MCM2: variants seen among roughly 807,000 people sequenced by gnomAD.
MCM2 encodes the protein DNA replication licensing factor MCM2.
In MCM2, 49 loss-of-function variants were observed where a neutral mutation model predicts 86.4. The ratio of observed to expected loss-of-function variants is 0.57; its 90% confidence interval spans 0.45 to 0.72. The LOEUF (loss-of-function observed/expected upper bound fraction) is 0.72. MCM2 is among the 30% of genes least tolerant of loss of function. MCM2 has a pLI of 0.00. For synonymous variants in MCM2, 475 were observed against 484.6 expected, an observed-to-expected ratio of 0.98 and a Z score of 0.26; for missense variants, 1,038 against 1,259.9, an observed-to-expected ratio of 0.82 and a Z score of 2.67.
intron 8 of MCM2, chr3:127,610,975 G>A: frequency 2.2e-6 from 1 of 456,562 alleles, no homozygotes; most frequent in Non-Finnish European, 4.4e-6. Flanking sequence ...CCAAGTTGTA[G>A]GGATACAATG....
chr3:127,606,640 C>T lies in MCM2; in HGVS notation c.924C>T (p.Thr308=), dbSNP rs1331350608. The change falls in exon 6 of 16, where the codon ACC becomes ACT. Residue 308 remains threonine, a synonymous_variant. Transcript: ENST00000265056. This position sits in a 1 kb window ranked among gnomAD's most constrained non-coding sequence, Gnocchi z 4.2. ...TGCATCTGAACCAGCTGATCCGCACCAGTGGGGTGGTGACCAGCTGCACTG... is the reference window on the plus strand; with the variant it reads ...TGCATCTGAACCAGCTGATCCGCACTAGTGGGGTGGTGACCAGCTGCACTG... ...RQLHLNQLIR[T]SGVVTSCTGV... is the part of the protein sequence containing the mutation. 1.9e-6 allele frequency: 3 copies of T among 1,614,142 alleles called. No individual in the cohort carries two copies. The highest frequency in any genetic ancestry group is 2.5e-6 in the Non-Finnish European group (3 of 1,180,044).
chr3:127,615,765 A>T, intron 8 of MCM2, 97 bp from the exon 9 acceptor site: 1 of 840,012 alleles, frequency 1.2e-6, no homozygotes, highest in Admixed American at 1.7e-5. Flanking sequence ...GGTGTCTTTG[A>T]GCTGGGGATG....
At chr3:127,615,048 C>T (rs1486645696) in intron 8 of MCM2, among the ~76,000 whole-genome samples, 1 of 152,202 alleles carries the variant, frequency 6.6e-6, no homozygotes, top group African/African-American at 2.4e-5. Flanking sequence ...AGGATGCAGC[C>T]TGATGGGGGT....
intron 8 of MCM2, among the ~76,000 whole-genome samples, chr3:127,614,718 G>T (rs2074421051): frequency 6.6e-6 from 1 of 152,178 alleles, no homozygotes; most frequent in Non-Finnish European, 1.5e-5. Flanking sequence ...TATCATAACA[G>T]ACAAATAGGC....
In MCM2 at chr3:127,606,370, G is replaced by T; in HGVS notation, c.893+33G>T. 6.2e-7 allele frequency: 1 copy of T among 1,604,302 alleles called. No individual in the cohort carries two copies. Among genetic ancestry groups the T allele is most frequent in the South Asian group, 1.1e-5 (1 of 90,848 alleles). On this transcript the variant is annotated intron_variant, in intron 5 of 15. Coordinates refer to ENST00000265056, the MANE Select transcript of MCM2 (RefSeq NM_004526.4). This position sits in a 1 kb window ranked among gnomAD's most constrained non-coding sequence, Gnocchi z 4.2. Reference sequence around the variant, plus strand: ...GAGGGCAGGTGAGGATGGCAGGTCCGAGCTCAGTGCTGGGTGACTCGGTCG... The same window carrying T: ...GAGGGCAGGTGAGGATGGCAGGTCCTAGCTCAGTGCTGGGTGACTCGGTCG...
At position 127,606,507 on chromosome 3, in the gene MCM2, TG is replaced by T. The variant is rs2074351468; in HGVS notation, c.894-98del. On this transcript the variant is annotated intron_variant, in intron 5 of 15. Transcript: ENST00000265056. This position sits in a 1 kb window ranked among gnomAD's most constrained non-coding sequence, Gnocchi z 4.2. Reference sequence around the variant, plus strand: ...TGTGATGGGAGGGATCTTCCCGGGCTGGGGGCTGGGCCCAATTTCCAGGACA... The same window carrying T: ...TGTGATGGGAGGGATCTTCCCGGGCTGGGGCTGGGCCCAATTTCCAGGACA... 7.1e-6 allele frequency: 9 copies of T among 1,270,046 alleles called. No homozygotes were observed. The highest frequency in any genetic ancestry group is 8.9e-6 in the Non-Finnish European group (8 of 895,678). The allele number at this position is 1,270,046 out of a possible 1,614,324, so 78.7% of individuals were successfully genotyped here. A position where few individuals can be genotyped will look rare whatever the true frequency, so the allele number is the denominator to read the frequency against.
At position 127,619,084 on chromosome 3, in the gene MCM2, AAGG is replaced by A. The variant is rs747264324; in HGVS notation, c.2081_2083del (p.Glu694del). 2 of 1,612,676 alleles carry A rather than the reference AAGG, an allele frequency of 1.2e-6. No individual in the cohort carries two copies. The highest frequency in any genetic ancestry group is 1.7e-5 in the Admixed American group (1 of 59,946). On this transcript the variant is annotated inframe_deletion, in exon 13 of 16. Transcript: ENST00000265056. Reference sequence around the variant, plus strand: ...CCACGTCAGACACCACCCCAGCAACAAGGAGGAGGAGGGGCTGGCCAATGGCAG... The same window carrying A: ...CCACGTCAGACACCACCCCAGCAACAAGGAGGAGGGGCTGGCCAATGGCAG...
chr3:127,605,828 G>T (rs2074343005), intron 4 of MCM2, among the ~76,000 whole-genome samples: 1 of 152,134 alleles, frequency 6.6e-6, no homozygotes, highest in African/African-American at 2.4e-5. Context: ...GTTTCTTCCT[G>T]GCTCTTGTAA....
rs2074481670 is a variant in MCM2, at chr3:127,621,935, C to T, written c.*162C>T. ...CTGCACCTGGCATGACTGTTTGTTTCTCCAAGCCTGCTTTGTGCTTCTCAC... is the reference window on the plus strand; with the variant it reads ...CTGCACCTGGCATGACTGTTTGTTTTTCCAAGCCTGCTTTGTGCTTCTCAC... On this transcript the variant is annotated 3_prime_UTR_variant, in exon 16 of 16. Coordinates refer to ENST00000265056, the MANE Select transcript of MCM2 (RefSeq NM_004526.4). 1.0e-5 allele frequency: 6 copies of T among 578,002 alleles called. No individual in the cohort carries two copies. Among genetic ancestry groups the T allele is most frequent in the Non-Finnish European group, 1.8e-5 (6 of 325,618 alleles). 35.8% of individuals were successfully genotyped at this position (578,002 alleles called of 1,614,324 possible). A position where few individuals can be genotyped will look rare whatever the true frequency, so the allele number is the denominator to read the frequency against.
chr3:127,620,868 C>T lies in MCM2; in HGVS notation c.2436C>T (p.Arg812=). The change falls in exon 14 of 16, where the codon CGC becomes CGT. Residue 812 remains arginine (R), a synonymous_variant. Coordinates refer to ENST00000265056, the MANE Select transcript of MCM2 (RefSeq NM_004526.4). ...FIDTQKFSVM[R]SMRKTFARYL... ...ACACACAGAAGTTCAGCGTCATGCG[C>T]AGCATGCGCAAGGTGGGTGTGCTCC... The T allele has an allele frequency of 6.2e-7, 1 of 1,606,822 alleles. No homozygotes were observed. The highest frequency in any genetic ancestry group is 8.5e-7 in the Non-Finnish European group (1 of 1,175,142).
chr3:127,599,238 A>G, intron 1 of MCM2, 80 bp from the exon 2 acceptor site: 1 of 1,126,784 alleles, frequency 8.9e-7, no homozygotes, highest in Non-Finnish European at 1.3e-6. Flanking sequence ...AAAGAAGGGA[A>G]GGCCCCTGAT....
In MCM2 at chr3:127,618,209, G is replaced by C. The variant is rs1164646354; in HGVS notation, c.2013+128G>C. 1 of 715,036 alleles carries C rather than the reference G, an allele frequency of 1.4e-6. No homozygotes were observed. Among genetic ancestry groups the C allele is most frequent in the African/African-American group, 1.8e-5 (1 of 57,006 alleles). The allele number at this position is 715,036 out of a possible 1,614,324, so 44.3% of individuals were successfully genotyped here. ...GGGCCATAGGCTGTTTTCTAGTCCT[G>C]TTCCCTCGGTCTCTTCTCATGTCCA... is the stretch of plus-strand genomic sequence containing the variant. On this transcript the variant is annotated intron_variant, in intron 12 of 15. Coordinates refer to ENST00000265056, the MANE Select transcript of MCM2 (RefSeq NM_004526.4). The surrounding 1 kb of genome is among the most constrained non-coding windows in gnomAD (Gnocchi z 4.0).
chr3:127,611,364 C>T (rs892698184), intron 8 of MCM2, among the ~76,000 whole-genome samples: 1 of 152,238 alleles, frequency 6.6e-6, no homozygotes, highest in African/African-American at 2.4e-5. Context: ...ACCTTCTCTT[C>T]CTTTGCCTTG....
rs769137528 is a variant in MCM2 at position 127,621,650 on chromosome 3, T to C, written c.2605-13T>C. 2.8e-5 allele frequency: 45 copies of C among 1,587,376 alleles called. No homozygotes were observed. The highest frequency in any genetic ancestry group is 4.5e-5 in the East Asian group (2 of 44,756). ...ACACCACTGATGGCTCACTGGACAC[T>C]TCCTCCTTGCAGGCTCGTCAGATCA... On this transcript the variant is annotated splice_polypyrimidine_tract_variant and intron_variant, in intron 15 of 15. Coordinates refer to ENST00000265056, the MANE Select transcript of MCM2 (RefSeq NM_004526.4).
intron 13 of MCM2, among the ~76,000 whole-genome samples, chr3:127,620,228 G>A (rs17497201): frequency 8.5e-4 from 130 of 152,346 alleles, no homozygotes; most frequent in African/African-American, 2.6e-3. Context: ...CCGAGTCCTT[G>A]TAGATTGCTG....
chr3:127,599,495 C>A lies in MCM2; in HGVS notation c.184C>A (p.Pro62Thr), dbSNP rs1175630953. The A allele has an allele frequency of 6.2e-7, 1 of 1,614,060 alleles. No homozygotes were observed. Among genetic ancestry groups the A allele is most frequent in the Admixed American group, 1.7e-5 (1 of 59,994 alleles). The part of the protein sequence containing the change: ...ESEGLLGTEG[P>T]LEEEEDGEEL... The stretch of plus-strand genomic sequence containing the variant: ...CGAGGGGCTCCTAGGCACAGAGGGG[C>A]CCCTGGAGGAAGAAGAGGATGGAGA... Residue 62 changes from proline (P) to threonine (T), a missense_variant, in exon 2 of 16, where the codon CCC (proline) becomes ACC (threonine). This residue lies in a region of MCM2 where 300 missense variants were observed against 307.4 expected (regional missense o/e 0.98). Transcript: ENST00000265056.
chr3:127,619,101 G>T lies in MCM2; in HGVS notation c.2088G>T (p.Leu696=). Reference sequence around the variant, plus strand: ...CCAGCAACAAGGAGGAGGAGGGGCTGGCCAATGGCAGCGCTGCTGAGCCCG... The same window carrying T: ...CCAGCAACAAGGAGGAGGAGGGGCTTGCCAATGGCAGCGCTGCTGAGCCCG... ...HHPSNKEEEG[L]ANGSAAEPAM... is the part of the protein sequence containing the mutation. Residue 696 remains leucine (L), a synonymous_variant, in exon 13 of 16, where the codon CTG becomes CTT. Transcript: ENST00000265056. The T allele has an allele frequency of 6.2e-7, 1 of 1,613,470 alleles. No individual in the cohort carries two copies. The highest frequency in any genetic ancestry group is 1.1e-5 in the South Asian group (1 of 91,044).
At position 127,619,243 on chromosome 3, in the gene MCM2, G is replaced by T. The variant is rs1169358738; in HGVS notation, c.2230G>T (p.Ala744Ser). The T allele has an allele frequency of 6.2e-7, 1 of 1,614,148 alleles. No individual in the cohort carries two copies. Among genetic ancestry groups the T allele is most frequent in the Admixed American group, 1.7e-5 (1 of 60,030 alleles). The stretch of plus-strand genomic sequence containing the variant: ...CAACCAGATGGACCAGGACAAGGTG[G>T]CCAAGATGTACAGTGACCTGAGGAA... Reference protein sequence around the residue: ...KLNQMDQDKVAKMYSDLRKES... With the variant: ...KLNQMDQDKVSKMYSDLRKES... Residue 744 changes from alanine (A) to serine (S), a missense_variant, in exon 13 of 16, where the codon GCC becomes TCC. Transcript: ENST00000265056.
Position 127,622,175 on chromosome 3 carries a change from C to T in MCM2, c.*402C>T. On this transcript the variant is annotated 3_prime_UTR_variant, in exon 16 of 16. Coordinates refer to ENST00000265056, the MANE Select transcript of MCM2 (RefSeq NM_004526.4). ...TTCAGGCTGCTTTTGCTGCCTTTGG[C>T]CAGAGAGCTGGTTGAAGATGTTTGT... The T allele has an allele frequency of 6.0e-6, 1 of 165,506 alleles. No individual in the cohort carries two copies. The highest frequency in any genetic ancestry group is 1.3e-5 in the Non-Finnish European group (1 of 77,064). The allele number at this position is 165,506 out of a possible 1,614,324, so 10.3% of individuals were successfully genotyped here. A position where few individuals can be genotyped will look rare whatever the true frequency, so the allele number is the denominator to read the frequency against.
Sources: allele counts gnomAD v4.1 joint callset (sites outside exome capture counted in the v4.1 genomes callset), GRCh38; gene constraint gnomAD v4.1.1; regional missense constraint gnomAD v4.1.1; non-coding constraint Gnocchi (gnomAD v3.1); transcripts MANE v1.5; gene names NCBI Gene and HGNC (gene_info 2026-07-23, HGNC 2026-07-21).